The following MDGA2 variants were observed in gnomAD, a reference collection of about 807,000 sequenced individuals.
The protein encoded by MDGA2 is MAM domain-containing glycosylphosphatidylinositol anchor protein 2.
Under a neutral mutation model 117.8 loss-of-function variants are expected in MDGA2, and 40 were observed. The observed-to-expected ratio is 0.34, with a 90% confidence interval of 0.26 to 0.44. The LOEUF (loss-of-function observed/expected upper bound fraction) is 0.44, where lower values mean the gene tolerates loss of function less well. Among genes scored for constraint, MDGA2 ranks in the 20% least tolerant of loss-of-function variants. MDGA2 has a pLI of 1.00. For synonymous variants in MDGA2, 452 were observed against 439.0 expected, an observed-to-expected ratio of 1.03 and a Z score of -0.37; for missense variants, 1,123 against 1,250.6, an observed-to-expected ratio of 0.90 and a Z score of 1.54.
intron 1 of MDGA2, among the ~76,000 whole-genome samples, chr14:47,452,262 A>G (rs1225644498): frequency 6.6e-6 from 1 of 152,114 alleles, no homozygotes; most frequent in African/African-American, 2.4e-5. Context: ...CATTTTGCTG[A>G]AGGGATCCAA....
intron 1 of MDGA2, among the ~76,000 whole-genome samples, chr14:47,351,354 T>TTACA (rs559186473): frequency 1.1e-3 from 166 of 152,246 alleles, no homozygotes; most frequent in African/African-American, 3.9e-3. Flanking sequence ...AGTGCTGGGA[T>TTACA]TACAGGCATG....
intron 1 of MDGA2, among the ~76,000 whole-genome samples, chr14:47,662,535 A>G (rs1200199721): frequency 6.6e-6 from 1 of 152,166 alleles, no homozygotes; most frequent in Non-Finnish European, 1.5e-5. Context: ...ATGACGACAG[A>G]AAGTAAAACT....
At chr14:47,058,981 G>T (rs767344966) in intron 7 of MDGA2, 3 of 983,918 alleles carry the variant, frequency 3.0e-6, no homozygotes, top group Non-Finnish European at 3.6e-6. Context: ...ACCACAAATT[G>T]AGGAGCTGCT....
chr14:47,288,201 C>G (rs1026559695), intron 2 of MDGA2, among the ~76,000 whole-genome samples: 2 of 152,148 alleles, frequency 1.3e-5, no homozygotes, highest in African/African-American at 4.8e-5. Flanking sequence ...CGGATGTTAG[C>G]AGATATAAAA....
chr14:47,416,745 C>G (rs1235708309), intron 1 of MDGA2, among the ~76,000 whole-genome samples: 4 of 152,102 alleles, frequency 2.6e-5, no homozygotes, highest in Admixed American at 6.5e-5. Context: ...ACCACCTGTG[C>G]CCTCTGGAGA....
intron 14 of MDGA2, among the ~76,000 whole-genome samples, chr14:46,867,177 TG>T (rs1881802920): frequency 6.6e-6 from 1 of 151,974 alleles, no homozygotes; most frequent in Non-Finnish European, 1.5e-5. Context: ...ATTAAGAAAA[TG>T]TGGCACACAT....
intron 2 of MDGA2, among the ~76,000 whole-genome samples, chr14:47,254,013 C>A (rs1887534616): frequency 6.6e-6 from 1 of 152,228 alleles, no homozygotes; most frequent in South Asian, 2.1e-4. Flanking sequence ...CCTCTTTTAG[C>A]CATGGCTGGA....
intron 1 of MDGA2, among the ~76,000 whole-genome samples, chr14:47,308,491 T>C (rs999335719): frequency 1.9e-4 from 26 of 140,232 alleles, no homozygotes; most frequent in African/African-American, 4.1e-4. Context: ...TTTTTCCCTC[T>C]CTTTCTGTTA....
chr14:47,341,137 A>G (rs912758291), intron 1 of MDGA2, among the ~76,000 whole-genome samples: 1 of 152,126 alleles, frequency 6.6e-6, no homozygotes, highest in African/African-American at 2.4e-5. Context: ...GCTAACTTAC[A>G]TTTCCCTCCA....
intron 14 of MDGA2, among the ~76,000 whole-genome samples, chr14:46,872,827 C>T (rs1049527381): frequency 6.6e-6 from 1 of 151,924 alleles, no homozygotes; most frequent in African/African-American, 2.4e-5. Flanking sequence ...TAGGTCTACT[C>T]TCAGTGTAAT....
chr14:47,167,605 C>T (rs1033119302), intron 3 of MDGA2, among the ~76,000 whole-genome samples: 2 of 152,040 alleles, frequency 1.3e-5, no homozygotes, highest in African/African-American at 4.8e-5. Flanking sequence ...TTCCAAGCAT[C>T]AGGGAGTGCT....
intron 1 of MDGA2, among the ~76,000 whole-genome samples, chr14:47,667,769 A>G (rs982790349): frequency 1.3e-5 from 2 of 152,178 alleles, no homozygotes; most frequent in African/African-American, 4.8e-5. Flanking sequence ...CCCCTTCTAC[A>G]GGATCACTTG....
chr14:47,092,652 C>T (rs1430952213), intron 6 of MDGA2, among the ~76,000 whole-genome samples: 1 of 152,068 alleles, frequency 6.6e-6, no homozygotes, highest in African/African-American at 2.4e-5. Context: ...TTGCCTGACT[C>T]ATATCTGAAG....
intron 3 of MDGA2, among the ~76,000 whole-genome samples, chr14:47,162,229 G>A (rs1332243266): frequency 2.0e-5 from 3 of 151,974 alleles, no homozygotes; most frequent in Non-Finnish European, 4.4e-5. Flanking sequence ...ACAGGCATAA[G>A]CCACCGAGCC....
chr14:47,286,803 T>TTTTATA (rs1464538852), intron 2 of MDGA2, among the ~76,000 whole-genome samples: 1 of 130,038 alleles, frequency 7.7e-6, no homozygotes, highest in Non-Finnish European at 1.5e-5. Flanking sequence ...AGGCATATCA[T>TTTTATA]TATATATATA....
intron 9 of MDGA2, among the ~76,000 whole-genome samples, chr14:46,938,626 G>A (rs561793014): frequency 6.7e-6 from 1 of 148,636 alleles, no homozygotes; most frequent in Non-Finnish European, 1.5e-5. Flanking sequence ...AAATGCTGGT[G>A]AAGATTGCAA....
intron 8 of MDGA2, chr14:46,996,760 A>G (rs1887309085): frequency 1.1e-5 from 2 of 176,780 alleles, no homozygotes; most frequent in South Asian, 2.5e-4. Flanking sequence ...CTTCAAAAAC[A>G]TATGGGAAAG....
At chr14:46,986,047 CATTG>C (rs1304605414) in intron 8 of MDGA2, among the ~76,000 whole-genome samples, 3 of 151,938 alleles carry the variant, frequency 2.0e-5, no homozygotes, top group Admixed American at 2.0e-4. Context: ...AAAAAAGTGC[CATTG>C]TAGTTTGTTA....
At chr14:46,923,338 A>G (rs7153954) in intron 9 of MDGA2, among the ~76,000 whole-genome samples, 50,847 of 151,882 alleles carry the variant, frequency 0.33, 10,009 homozygotes, top group African/African-American at 0.51. Flanking sequence ...AATACTTTAG[A>G]GATTATTTCA....
Sources: gnomAD v4.1 joint callset for allele counts (sites outside exome capture counted in the v4.1 genomes callset) on GRCh38, gnomAD v4.1.1 for gene constraint, MANE v1.5 for transcripts, NCBI Gene and HGNC (gene_info 2026-07-23, HGNC 2026-07-21) for gene names.